Variants in ABCC4 observed in about 807,000 individuals in gnomAD.
ABCC4 encodes ATP binding cassette subfamily C member 4 (PEL blood group).
A neutral mutation model predicts 168.5 loss-of-function variants in ABCC4; 102 were observed. The observed-to-expected ratio is 0.61, with a 90% CI of 0.52 to 0.71. ABCC4 has a LOEUF of 0.71. Ranked by LOEUF, ABCC4 falls within the 30% of genes least tolerant of loss-of-function variation. ABCC4 has a pLI of 0.00. For synonymous variants in ABCC4, 617 were observed against 590.7 expected (o/e 1.04, Z -0.65); for missense variants, 1,402 against 1,605.8 (o/e 0.87, Z 2.17).
At chr13:95,258,750 T>G (rs548675576) in intron 1 of ABCC4, among the ~76,000 whole-genome samples, 10 of 152,038 alleles carry the variant, frequency 6.6e-5, no homozygotes, top group African/African-American at 2.4e-4. Context: ...CCAGCAACCC[T>G]CTTTAAGCGC....
At chr13:95,049,980 G>A (rs1412491287) in intron 27 of ABCC4, among the ~76,000 whole-genome samples, 2 of 152,120 alleles carry the variant, frequency 1.3e-5, no homozygotes, top group Non-Finnish European at 2.9e-5. Context: ...GCTTTAAAGG[G>A]GGTTTCCAAA....
chr13:95,026,182 T>A (rs1489056005), intron 30 of ABCC4, among the ~76,000 whole-genome samples: 6 of 152,032 alleles, frequency 3.9e-5, no homozygotes, highest in African/African-American at 1.4e-4. Flanking sequence ...GAGGGTGCAG[T>A]GAGCCAAGAG....
chr13:95,248,942 C>T (rs1029035100), intron 1 of ABCC4, among the ~76,000 whole-genome samples: 2 of 152,190 alleles, frequency 1.3e-5, no homozygotes, highest in African/African-American at 2.4e-5. Context: ...CGGGAAGCTG[C>T]GGCACAAGAA....
chr13:95,033,002 C>A, intron 30 of ABCC4, among the ~76,000 whole-genome samples: 1 of 124,302 alleles, frequency 8.0e-6, no homozygotes, highest in African/African-American at 3.2e-5. Context: ...TGGTGTCTCG[C>A]TCTGTCGCCC....
intron 4 of ABCC4, among the ~76,000 whole-genome samples, chr13:95,228,168 T>A (rs1056283932): frequency 6.6e-6 from 1 of 152,202 alleles, no homozygotes. Flanking sequence ...CTATCAATTG[T>A]CTGTCCACAT....
chr13:95,243,919 G>A (rs2040013697), intron 3 of ABCC4, among the ~76,000 whole-genome samples: 2 of 150,736 alleles, frequency 1.3e-5, no homozygotes. Context: ...AAGAGTTCGT[G>A]GTCAACCTGA....
chr13:95,172,416 C>T (rs2139578806), intron 13 of ABCC4, among the ~76,000 whole-genome samples: 1 of 151,940 alleles, frequency 6.6e-6, no homozygotes, highest in Non-Finnish European at 1.5e-5. Flanking sequence ...ACTAAAAATA[C>T]AAAAATTAGC....
chr13:95,209,047 T>A (rs964046605), intron 6 of ABCC4, among the ~76,000 whole-genome samples: 2 of 86,726 alleles, frequency 2.3e-5, no homozygotes, highest in Middle Eastern at 6.0e-3. Context: ...AACACACATA[T>A]ATACACGTGA....
chr13:95,120,095 C>G (rs2035511978), intron 19 of ABCC4, among the ~76,000 whole-genome samples: 1 of 152,178 alleles, frequency 6.6e-6, no homozygotes, highest in South Asian at 2.1e-4. Flanking sequence ...GTAGCATGTG[C>G]CACTCATTCC....
At chr13:95,097,181 A>G (rs1013848049) in intron 20 of ABCC4, among the ~76,000 whole-genome samples, 2 of 151,050 alleles carry the variant, frequency 1.3e-5, no homozygotes, top group Admixed American at 6.6e-5. Context: ...ACTAAAAACA[A>G]TAACATAAAG....
intron 27 of ABCC4, 101 bp from the exon 28 acceptor site, chr13:95,044,539 A>G: frequency 9.5e-7 from 1 of 1,051,544 alleles, no homozygotes; most frequent in Non-Finnish European, 1.3e-6. Context: ...CTCTCGAGAG[A>G]TATAACTTAA....
intron 26 of ABCC4, among the ~76,000 whole-genome samples, chr13:95,054,101 C>G (rs1450236355): frequency 1.5e-5 from 2 of 130,222 alleles, no homozygotes; most frequent in African/African-American, 6.1e-5. Context: ...CCAGAGGCAC[C>G]TCTACTTATG....
chr13:95,131,082 A>G (rs1309343116), intron 19 of ABCC4, among the ~76,000 whole-genome samples: 1 of 152,210 alleles, frequency 6.6e-6, no homozygotes, highest in Non-Finnish European at 1.5e-5. Flanking sequence ...CCAGCATGTA[A>G]CAAAACTCAG....
intron 19 of ABCC4, among the ~76,000 whole-genome samples, chr13:95,131,310 T>A (rs1392361722): frequency 6.6e-6 from 1 of 152,038 alleles, no homozygotes; most frequent in Non-Finnish European, 1.5e-5. Flanking sequence ...ACAGGCTCCA[T>A]CACATGGGCG....
At chr13:95,300,719 G>T (rs899288089) in intron 1 of ABCC4, among the ~76,000 whole-genome samples, 1 of 152,142 alleles carries the variant, frequency 6.6e-6, no homozygotes, top group South Asian at 2.1e-4. Context: ...GATGGCATAG[G>T]TCCAGGACAC....
At chr13:95,121,784 C>T (rs1471492192) in intron 19 of ABCC4, among the ~76,000 whole-genome samples, 1 of 152,070 alleles carries the variant, frequency 6.6e-6, no homozygotes, top group African/African-American at 2.4e-5. Context: ...GAAGAGGAGG[C>T]CAAGCACACC....
In ABCC4 at chr13:95,290,997, C is replaced by CAAAAAAAAAAAAAAA. The variant is rs762030761; in HGVS notation, c.74+10243_74+10244insTTTTTTTTTTTTTTT. ...TGGGCGACAGAGCAAGACCCTGTCT[C>CAAAAAAAAAAAAAAA]AAAAAAAAAAAAAGAGGAAACCATG... On this transcript the variant is annotated intron_variant, in intron 1 of 30. Coordinates refer to ENST00000645237, the MANE Select transcript of ABCC4 (RefSeq NM_005845.5). Among the ~76,000 whole-genome samples the CAAAAAAAAAAAAAAA allele has an allele frequency of 6.1e-4, 22 of 36,264 alleles. 2 individuals carry two copies. The highest frequency in any genetic ancestry group is 5.4e-3 in the East Asian group (6 of 1,112). The allele number at this position is 36,264 out of a possible 152,430, so 23.8% of individuals were successfully genotyped here.
chr13:95,120,567 C>T, intron 19 of ABCC4, among the ~76,000 whole-genome samples: 1 of 90,824 alleles, frequency 1.1e-5, no homozygotes, highest in Non-Finnish European at 2.1e-5. Flanking sequence ...GAGACTCCGT[C>T]AAAAAAAAAA....
intron 30 of ABCC4, among the ~76,000 whole-genome samples, chr13:95,029,244 AGAGAGAGAGAAAGAG>A (rs2031746220): frequency 3.9e-4 from 2 of 5,114 alleles, no homozygotes; most frequent in African/African-American, 6.9e-4. Flanking sequence ...AGAGAGAGAG[AGAGAGAGAGAAAGAG>A]AGAGAGAGAG....
Sources: gnomAD v4.1 joint callset for allele counts (sites outside exome capture counted in the v4.1 genomes callset) on GRCh38, gnomAD v4.1.1 for gene constraint, MANE v1.5 for transcripts, NCBI Gene and HGNC (gene_info 2026-07-23, HGNC 2026-07-21) for gene names.